CADPS: variants seen among roughly 807,000 people sequenced by gnomAD.
The protein encoded by CADPS is calcium dependent secretion activator, also known as calcium-dependent secretion activator 1.
Under a neutral mutation model 167.3 loss-of-function variants are expected in CADPS, and 57 were observed. The observed-to-expected ratio is 0.34, with a 90% CI of 0.28 to 0.42. The LOEUF is 0.42. CADPS is among the 20% of genes least tolerant of loss of function. The pLI is 1.00. For missense variants in CADPS, 1,414 were observed against 1,738.1 expected, an observed-to-expected ratio of 0.81 and a Z score of 3.32; for synonymous variants, 676 against 635.3, an observed-to-expected ratio of 1.06 and a Z score of -0.96.
intron 3 of CADPS, among the ~76,000 whole-genome samples, chr3:62,735,463 T>C (rs926778785): frequency 1.3e-5 from 2 of 152,178 alleles, no homozygotes; most frequent in Non-Finnish European, 2.9e-5. Flanking sequence ...ACACAGGTAT[T>C]GATACTATAT....
At chr3:62,449,074 A>G (rs972605511) in intron 26 of CADPS, among the ~76,000 whole-genome samples, 3 of 152,234 alleles carry the variant, frequency 2.0e-5, no homozygotes, top group Non-Finnish European at 4.4e-5. Context: ...AAGGAGCTTC[A>G]GTGCAGGTTT....
At chr3:62,548,810 A>G (rs938095438) in intron 11 of CADPS, among the ~76,000 whole-genome samples, 2 of 152,096 alleles carry the variant, frequency 1.3e-5, no homozygotes, top group African/African-American at 4.8e-5. Context: ...TTGAACCTAA[A>G]CTCAGGGAAA....
At chr3:62,746,928 T>A (rs1055667065) in intron 3 of CADPS, among the ~76,000 whole-genome samples, 2 of 152,154 alleles carry the variant, frequency 1.3e-5, no homozygotes, top group African/African-American at 4.8e-5. Flanking sequence ...TCTTTTAAGC[T>A]GCTAAATTTG....
At chr3:62,642,913 AAG>A in intron 6 of CADPS, among the ~76,000 whole-genome samples, 1 of 133,926 alleles carries the variant, frequency 7.5e-6, no homozygotes, top group African/African-American at 2.8e-5. Context: ...CCTATCTCAA[AAG>A]ACAAAACAAA....
chr3:62,638,874 A>G (rs2066856003), intron 6 of CADPS, among the ~76,000 whole-genome samples: 1 of 152,170 alleles, frequency 6.6e-6, no homozygotes, highest in South Asian at 2.1e-4. Context: ...ACTTTTCAGG[A>G]CTTGGAGAAG....
At chr3:62,688,158 G>A (rs1366896733) in intron 3 of CADPS, among the ~76,000 whole-genome samples, 1 of 151,964 alleles carries the variant, frequency 6.6e-6, no homozygotes, top group African/African-American at 2.4e-5. Flanking sequence ...CTGCGTTGCA[G>A]GGCCTGTCCT....
At chr3:62,863,216 G>A (rs143667206) in intron 1 of CADPS, among the ~76,000 whole-genome samples, 15 of 152,240 alleles carry the variant, frequency 9.9e-5, no homozygotes, top group African/African-American at 3.6e-4. Flanking sequence ...AGTTAACATA[G>A]CACATGGTTA....
intron 3 of CADPS, among the ~76,000 whole-genome samples, chr3:62,700,547 T>C (rs534447418): frequency 6.6e-6 from 1 of 152,210 alleles, no homozygotes; most frequent in East Asian, 1.9e-4. Flanking sequence ...ATGTACATTT[T>C]ATAGGGAGGA....
chr3:62,666,129 T>C (rs2074353911), intron 3 of CADPS, among the ~76,000 whole-genome samples: 1 of 152,180 alleles, frequency 6.6e-6, no homozygotes, highest in African/African-American at 2.4e-5. Context: ...CTCCCATCTC[T>C]TGACAAATTT....
chr3:62,611,533 A>G (rs1307140228), intron 6 of CADPS, among the ~76,000 whole-genome samples: 1 of 152,158 alleles, frequency 6.6e-6, no homozygotes, highest in Non-Finnish European at 1.5e-5. Flanking sequence ...AAACCCCTCA[A>G]TGCATTCTTT....
chr3:62,613,587 G>A (rs1274119245), intron 6 of CADPS, among the ~76,000 whole-genome samples: 1 of 152,116 alleles, frequency 6.6e-6, no homozygotes, highest in African/African-American at 2.4e-5. Context: ...TTTCCAAAGA[G>A]CATCATGAAT....
rs1705041960 is a variant in CADPS, at chr3:62,399,349, C to T, written c.*57G>A. 1 of 1,537,402 alleles carries T rather than the reference C, an allele frequency of 6.5e-7. No individual in the cohort carries two copies. The highest frequency in any genetic ancestry group is 1.2e-5 in the South Asian group (1 of 86,472). The stretch of plus-strand genomic sequence containing the variant: ...ATTCCTAATGGGTTTAACTAACAGA[C>T]TAAGGACATGCACTGATTACAGGAC... On this transcript the variant is annotated 3_prime_UTR_variant, in exon 30 of 30. Coordinates refer to ENST00000383710, the MANE Select transcript of CADPS (RefSeq NM_003716.4). The surrounding 1 kb of genome is among the most constrained non-coding windows in gnomAD (Gnocchi z 5.6).
chr3:62,697,578 C>A (rs186252135), intron 3 of CADPS, among the ~76,000 whole-genome samples: 1 of 152,032 alleles, frequency 6.6e-6, no homozygotes, highest in East Asian at 1.9e-4. Context: ...CGTGTGCAAG[C>A]GTCTTTTTTG....
intron 26 of CADPS, among the ~76,000 whole-genome samples, chr3:62,447,482 A>G (rs1560501383): frequency 6.6e-6 from 1 of 152,142 alleles, no homozygotes; most frequent in Admixed American, 6.5e-5. Context: ...ATATAATGTC[A>G]TGAGAGCAAA....
chr3:62,536,399 A>G, intron 12 of CADPS, 46 bp downstream of exon 12: 2 of 1,549,820 alleles, frequency 1.3e-6, no homozygotes, highest in South Asian at 1.2e-5. Flanking sequence ...TTTAAATGAA[A>G]AAAAATGTTA....
chr3:62,536,433 G>A lies in CADPS; in HGVS notation c.2103+12C>T. ...TATGTTTAAATTGCTGTAGACCAAA[G>A]AATATACTTGCCAGGCAAGAATAGG... is the stretch of plus-strand genomic sequence containing the variant. On this transcript the variant is annotated intron_variant, in intron 12 of 29. Coordinates refer to ENST00000383710, the MANE Select transcript of CADPS (RefSeq NM_003716.4). The A allele has an allele frequency of 6.2e-7, 1 of 1,610,560 alleles. No individual in the cohort carries two copies. The highest frequency in any genetic ancestry group is 8.5e-7 in the Non-Finnish European group (1 of 1,177,424).
chr3:62,586,166 A>G, intron 7 of CADPS, among the ~76,000 whole-genome samples: 1 of 152,230 alleles, frequency 6.6e-6, no homozygotes, highest in Non-Finnish European at 1.5e-5. Flanking sequence ...CCTTGAAACT[A>G]AGGGAACATG....
At chr3:62,853,994 TA>T (rs2079147569) in intron 1 of CADPS, among the ~76,000 whole-genome samples, 1 of 151,946 alleles carries the variant, frequency 6.6e-6, no homozygotes, top group Non-Finnish European at 1.5e-5. Context: ...CATGACAAAG[TA>T]AGTAAAAAGA....
chr3:62,693,419 C>T (rs2079587385), intron 3 of CADPS, among the ~76,000 whole-genome samples: 1 of 152,094 alleles, frequency 6.6e-6, no homozygotes, highest in Non-Finnish European at 1.5e-5. Context: ...AAGCCAGACA[C>T]AGAGCAGGTT....
Sources: allele counts gnomAD v4.1 joint callset (sites outside exome capture counted in the v4.1 genomes callset), GRCh38; gene constraint gnomAD v4.1.1; non-coding constraint Gnocchi (gnomAD v3.1); transcripts MANE v1.5; gene names NCBI Gene and HGNC (gene_info 2026-07-23, HGNC 2026-07-21).